STK32B: variants seen among roughly 807,000 people sequenced by gnomAD.
STK32B encodes the protein serine/threonine kinase 32B, also known as serine/threonine-protein kinase 32B.
In STK32B, 43 loss-of-function variants were observed where a neutral mutation model predicts 52.6. The ratio of observed to expected loss-of-function variants is 0.82; its 90% CI spans 0.64 to 1.05. STK32B has a LOEUF of 1.05. Ranked by LOEUF, STK32B falls within the 50% of genes least tolerant of loss-of-function variation. The pLI, the probability that STK32B is intolerant of heterozygous loss-of-function variation, is 0.00. For missense variants in STK32B, 621 were observed against 534.6 expected (o/e 1.16, Z -1.59); for synonymous variants, 238 against 204.3 (o/e 1.17, Z -1.41).
intron 1 of STK32B, among the ~76,000 whole-genome samples, chr4:5,078,043 A>G (rs547326955): frequency 2.6e-5 from 4 of 152,068 alleles, no homozygotes; most frequent in Admixed American, 6.6e-5. Flanking sequence ...TCTTCTCTCA[A>G]CGTCTTAACA....
At chr4:5,188,287 C>CG (rs1720904808) in intron 3 of STK32B, among the ~76,000 whole-genome samples, 1 of 152,100 alleles carries the variant, frequency 6.6e-6, no homozygotes, top group African/African-American at 2.4e-5. Flanking sequence ...CCCAAAGAGC[C>CG]GCAGAAATAG....
chr4:5,323,995 C>A (rs575690131), intron 3 of STK32B, among the ~76,000 whole-genome samples: 3 of 152,202 alleles, frequency 2.0e-5, no homozygotes, highest in Non-Finnish European at 4.4e-5. Flanking sequence ...CTTGAGCTAT[C>A]GAAGGCAGTT....
At chr4:5,119,379 C>T (rs1714907258) in intron 1 of STK32B, among the ~76,000 whole-genome samples, 1 of 152,194 alleles carries the variant, frequency 6.6e-6, no homozygotes. Context: ...GCTTTAGAAA[C>T]ATTTTAGTAC....
chr4:5,037,008 A>G, the STK32B span, among the ~76,000 whole-genome samples: 3 of 152,094 alleles, frequency 2.0e-5, no homozygotes, highest in African/African-American at 7.2e-5. Context: ...CTCTGGCAAG[A>G]GTGTGGATGC....
the STK32B span, among the ~76,000 whole-genome samples, chr4:5,034,490 A>G: frequency 6.6e-6 from 1 of 152,224 alleles, no homozygotes; most frequent in African/African-American, 2.4e-5. Flanking sequence ...AGCAGAAAGA[A>G]CACATTCTTT....
chr4:5,411,383 T>C (rs1711658701), intron 5 of STK32B, among the ~76,000 whole-genome samples: 1 of 152,178 alleles, frequency 6.6e-6, no homozygotes, highest in Non-Finnish European at 1.5e-5. Flanking sequence ...ATGGGTTCAG[T>C]TCAACCAGCC....
intron 3 of STK32B, among the ~76,000 whole-genome samples, chr4:5,186,562 T>C (rs1161441501): frequency 6.6e-6 from 1 of 152,156 alleles, no homozygotes; most frequent in Non-Finnish European, 1.5e-5. Context: ...TGCTTTGGTG[T>C]CCTGGGTTAA....
chr4:5,129,312 C>T (rs1273785794), intron 1 of STK32B, among the ~76,000 whole-genome samples: 2 of 152,178 alleles, frequency 1.3e-5, no homozygotes, highest in Non-Finnish European at 2.9e-5. Context: ...TATTGGAGTC[C>T]AACCTAGGTC....
At chr4:5,350,910 T>C (rs567044827) in intron 4 of STK32B, among the ~76,000 whole-genome samples, 1 of 151,946 alleles carries the variant, frequency 6.6e-6, no homozygotes. Flanking sequence ...TATATAATGA[T>C]AAAGGGCTTA....
chr4:5,316,200 T>A (rs1182520235), intron 3 of STK32B, among the ~76,000 whole-genome samples: 1 of 96,630 alleles, frequency 1.0e-5, no homozygotes, highest in Non-Finnish European at 1.8e-5. Context: ...TATTTAGATA[T>A]ATAATATATA....
rs900147835 is a variant in STK32B at position 5,453,202 on chromosome 4, G to A, written c.667-3605G>A. 1.4e-5 allele frequency among the ~76,000 whole-genome samples: 2 copies of A among 147,286 alleles called. No individual in the cohort carries two copies. The highest frequency in any genetic ancestry group is 3.0e-5 in the Non-Finnish European group (2 of 66,836). On this transcript the variant is annotated intron_variant, in intron 7 of 11. Coordinates refer to ENST00000282908, the MANE Select transcript of STK32B (RefSeq NM_018401.3). This position sits in a 1 kb window ranked among gnomAD's most constrained non-coding sequence, Gnocchi z 4.0. ...TAATTGGTCCGGTTGCCTCCAGAAG[G>A]AGAGAGAATTACAGAGATTAGGGAG...
At chr4:5,050,381 C>T (rs937003876), upstream of STK32B, among the ~76,000 whole-genome samples, 4 of 152,078 alleles carry the variant, frequency 2.6e-5, no homozygotes, top group Admixed American at 1.3e-4. Context: ...CTCAGACCTT[C>T]TCAGTTCTTT....
intron 3 of STK32B, among the ~76,000 whole-genome samples, chr4:5,231,557 A>G (rs1239474817): frequency 6.6e-6 from 1 of 152,252 alleles, no homozygotes. Flanking sequence ...GGTTGCAGTG[A>G]GCCGAGATTG....
chr4:5,421,339 C>A (rs977931217), intron 6 of STK32B, among the ~76,000 whole-genome samples: 1 of 152,056 alleles, frequency 6.6e-6, no homozygotes, highest in African/African-American at 2.4e-5. Flanking sequence ...ATCCACCAGC[C>A]TCGGCCTCCC....
chr4:5,388,843 A>G (rs1736418850), intron 4 of STK32B, among the ~76,000 whole-genome samples: 1 of 152,216 alleles, frequency 6.6e-6, no homozygotes, highest in Admixed American at 6.5e-5. Context: ...TGTGAATCCC[A>G]AAACCTTTGA....
intron 3 of STK32B, among the ~76,000 whole-genome samples, chr4:5,326,257 G>A (rs1008021830): frequency 2.0e-5 from 3 of 152,060 alleles, no homozygotes; most frequent in African/African-American, 4.8e-5. Context: ...ATCTGTAGTC[G>A]GCATATTATG....
chr4:5,033,902 A>G, the STK32B span, among the ~76,000 whole-genome samples: 1 of 152,188 alleles, frequency 6.6e-6, no homozygotes, highest in Non-Finnish European at 1.5e-5. Context: ...TGCTGGGGAC[A>G]TGCAAATACA....
intron 3 of STK32B, among the ~76,000 whole-genome samples, chr4:5,268,977 C>T (rs1032435461): frequency 6.6e-6 from 1 of 151,962 alleles, no homozygotes; most frequent in Non-Finnish European, 1.5e-5. Flanking sequence ...ACATTACTGA[C>T]TTGAGGGAGT....
At chr4:5,184,694 AAAAG>A (rs1304331282) in intron 3 of STK32B, among the ~76,000 whole-genome samples, 2 of 146,544 alleles carry the variant, frequency 1.4e-5, no homozygotes, top group African/African-American at 2.6e-5. Flanking sequence ...CAAAAAAAAA[AAAAG>A]AAGAAGAAGA....
Sources: gnomAD v4.1 joint callset for allele counts (sites outside exome capture counted in the v4.1 genomes callset) on GRCh38, gnomAD v4.1.1 for gene constraint, Gnocchi (gnomAD v3.1) non-coding constraint, MANE v1.5 for transcripts, NCBI Gene and HGNC (gene_info 2026-07-23, HGNC 2026-07-21) for gene names.